Variants in FCRL6 observed in about 807,000 individuals in gnomAD.
FCRL6 encodes Fc receptor like 6.
In FCRL6, 50 loss-of-function variants were observed where a neutral mutation model predicts 49.1. The ratio of observed to expected loss-of-function variants is 1.02; its 90% CI spans 0.81 to 1.29. FCRL6 has a LOEUF of 1.29. Ranked by LOEUF, FCRL6 falls within the 50% of genes most tolerant of loss-of-function variation. The pLI, the probability that FCRL6 is intolerant of heterozygous loss-of-function variation, is 0.00. For synonymous variants in FCRL6, 213 were observed against 199.6 expected (o/e 1.07, Z -0.57); for missense variants, 571 against 518.5 (o/e 1.10, Z -0.98).
intron 7 of FCRL6, 73 bp downstream of exon 7, chr1:159,813,627 A>G: frequency 1.6e-6 from 2 of 1,258,060 alleles, no homozygotes; most frequent in Admixed American, 1.7e-5. Context: ...GTAAGAAGGG[A>G]GCTCTCCAGA....
intron 1 of FCRL6, among the ~76,000 whole-genome samples, chr1:159,803,665 T>A (rs1287669604): frequency 6.6e-6 from 1 of 152,160 alleles, no homozygotes; most frequent in Non-Finnish European, 1.5e-5. Context: ...CTTGGACTTG[T>A]CTAGATACAG....
chr1:159,803,292 T>C (rs373115780), intron 1 of FCRL6, among the ~76,000 whole-genome samples: 1 of 152,220 alleles, frequency 6.6e-6, no homozygotes, highest in Admixed American at 6.5e-5. Flanking sequence ...ATTTGGCATA[T>C]ATTTTGTTTC....
intron 1 of FCRL6, 149 bp downstream of exon 1, chr1:159,802,604 G>A: frequency 1.4e-6 from 1 of 714,622 alleles, no homozygotes; most frequent in Admixed American, 2.1e-5. Flanking sequence ...GCATGCTTGG[G>A]AGAGATGGGC....
upstream of FCRL6, chr1:159,802,241 A>G: frequency 1.7e-6 from 1 of 573,028 alleles, no homozygotes. Flanking sequence ...CTTCAACCAA[A>G]GAGGAAATAT....
At chr1:159,808,081 C>G in intron 2 of FCRL6, 97 bp from the exon 3 acceptor site, 2 of 1,409,756 alleles carry the variant, frequency 1.4e-6, no homozygotes, top group Non-Finnish European at 9.7e-7. Flanking sequence ...CCAAGGGCCT[C>G]CATCCCCAGC....
rs61823163 is a variant in FCRL6 at position 159,815,687 on chromosome 1, G to C, written c.*26G>C. On this transcript the variant is annotated 3_prime_UTR_variant, in exon 10 of 10. Coordinates refer to ENST00000368106, the MANE Select transcript of FCRL6 (RefSeq NM_001004310.3). Reference sequence around the variant, plus strand: ...TGATGGTGTTCTCCTATCAACACACGCCCACCCCCAGTCTCCAGTGCTCCT... The same window carrying C: ...TGATGGTGTTCTCCTATCAACACACCCCCACCCCCAGTCTCCAGTGCTCCT... 3 of 1,612,188 alleles carry C rather than the reference G, an allele frequency of 1.9e-6. No homozygotes were observed. The African/African-American group carries it at 4.0e-5, about 22-fold the overall frequency.
At chr1:159,806,704 C>G in intron 2 of FCRL6, 88 bp downstream of exon 2, 1 of 1,332,534 alleles carries the variant, frequency 7.5e-7, no homozygotes, top group East Asian at 2.3e-5. Flanking sequence ...CATGGGGTCC[C>G]CCAGAAACAT....
At chr1:159,809,304 C>A (rs1662929547) in intron 4 of FCRL6, 59 bp downstream of exon 4, 1 of 1,526,360 alleles carries the variant, frequency 6.6e-7, no homozygotes, top group Non-Finnish European at 8.8e-7. Flanking sequence ...CAGTGGGATC[C>A]CCTGGGACTA....
At chr1:159,809,955 T>A in intron 5 of FCRL6, 139 bp from the exon 6 acceptor site, 1 of 1,093,560 alleles carries the variant, frequency 9.1e-7, no homozygotes, top group Non-Finnish European at 1.3e-6. Flanking sequence ...TGAGCCATCC[T>A]TCATGCCCAT....
At chr1:159,809,826 T>A (rs1159893764) in intron 5 of FCRL6, 143 bp downstream of exon 5, 14 of 786,518 alleles carry the variant, frequency 1.8e-5, no homozygotes, top group Non-Finnish European at 2.6e-5. Flanking sequence ...CCCTAATTAG[T>A]CCATCTGTCC....
At chr1:159,813,602 A>T (rs781626116) in intron 7 of FCRL6, 48 bp downstream of exon 7, 2 of 1,537,924 alleles carry the variant, frequency 1.3e-6, no homozygotes, top group Non-Finnish European at 9.0e-7. Context: ...GGCCAAAAAG[A>T]GCTTCTTAAG....
chr1:159,814,148 T>C, intron 7 of FCRL6, 73 bp from the exon 8 acceptor site: 1 of 1,401,756 alleles, frequency 7.1e-7, no homozygotes, highest in Non-Finnish European at 1.0e-6. Flanking sequence ...CTTCTCTCCA[T>C]GTCTTCAGGA....
At chr1:159,810,302 C>A in intron 6 of FCRL6, 86 bp downstream of exon 6, 3 of 1,487,048 alleles carry the variant, frequency 2.0e-6, no homozygotes, top group Non-Finnish European at 2.7e-6. Context: ...TCTGACAGGA[C>A]CAGCCACTCT....
intron 1 of FCRL6, among the ~76,000 whole-genome samples, chr1:159,803,560 C>T (rs61821624): frequency 0.11 from 16,272 of 152,146 alleles, 1,136 homozygotes; most frequent in Non-Finnish European, 0.15. Context: ...CACACTGAGG[C>T]GGGGACAGGA....
Position 159,806,312 on chromosome 1 carries a change from G to C in FCRL6, c.32-284G>C, listed in dbSNP as rs59515106. 1.4e-4 allele frequency among the ~76,000 whole-genome samples: 21 copies of C among 152,280 alleles called. No individual in the cohort carries two copies. The East Asian group carries it at 3.5e-3, about 25-fold the overall frequency. On this transcript the variant is annotated intron_variant, in intron 1 of 9. Coordinates refer to ENST00000368106, the MANE Select transcript of FCRL6 (RefSeq NM_001004310.3). ...TAGGGCAAAGAGTTCTAGGGAGTAC[G>C]TCCAGCACAAACGTTGAGTAGTCAA...
chr1:159,815,318 G>A, intron 8 of FCRL6, 110 bp from the exon 9 acceptor site: 1 of 1,181,966 alleles, frequency 8.5e-7, no homozygotes, highest in South Asian at 1.5e-5. Context: ...ATCTCCCCTG[G>A]CTGGCTTCCC....
chr1:159,808,648 AG>A (rs1249493001), intron 3 of FCRL6: 4 of 647,316 alleles, frequency 6.2e-6, no homozygotes, highest in Admixed American at 5.7e-5. Flanking sequence ...CAGGGGAAGG[AG>A]GGGGGAGATT....
chr1:159,806,575 T>C (rs1192469569), intron 1 of FCRL6, 21 bp from the exon 2 acceptor site: 55 of 1,611,320 alleles, frequency 3.4e-5, no homozygotes, highest in Non-Finnish European at 4.5e-5. Flanking sequence ...AACCTAATTG[T>C]GTTACTTTGT....
At chr1:159,808,837 T>G in intron 3 of FCRL6, 124 bp from the exon 4 acceptor site, 1 of 966,418 alleles carries the variant, frequency 1.0e-6, no homozygotes, top group Non-Finnish European at 1.5e-6. Flanking sequence ...GTCCTAGGGA[T>G]GAAACTGCCT....
Sources: allele counts gnomAD v4.1 joint callset (sites outside exome capture counted in the v4.1 genomes callset), GRCh38; gene constraint gnomAD v4.1.1; transcripts MANE v1.5; gene names NCBI Gene and HGNC (gene_info 2026-07-23, HGNC 2026-07-21).